The following NR2E1 variants were observed in gnomAD, a reference collection of about 807,000 sequenced individuals.
NR2E1 encodes nuclear receptor subfamily 2 group E member 1.
Under a neutral mutation model 43.6 loss-of-function variants are expected in NR2E1, and 5 were observed. The ratio of observed to expected loss-of-function variants is 0.11; its 90% CI spans 0.06 to 0.24. The LOEUF is 0.24. NR2E1 is among the 10% of genes least tolerant of loss of function. The pLI is 1.00. For missense variants in NR2E1, 287 were observed against 496.7 expected (o/e 0.58, Z 4.01); for synonymous variants, 191 against 195.5 (o/e 0.98, Z 0.19).
rs1774113448 is a variant in NR2E1, at chr6:108,188,540, CA to C, written c.*1078del. 1.3e-5 allele frequency: 2 copies of C among 152,998 alleles called. No homozygotes were observed. Among genetic ancestry groups the C allele is most frequent in the African/African-American group, 2.4e-5 (1 of 41,276 alleles). 9.5% of individuals were successfully genotyped at this position (152,998 alleles called of 1,614,324 possible). A position where few individuals can be genotyped will look rare whatever the true frequency, so the allele number is the denominator to read the frequency against. ...ACACACACACACACACACACACACA[CA>C]CACACACACACCGTCCTACACTTTA... is the stretch of plus-strand genomic sequence containing the variant. On this transcript the variant is annotated 3_prime_UTR_variant, in exon 9 of 9. Transcript: ENST00000368986.
At chr6:108,185,409 TACACAC>T (rs3040212) in intron 8 of NR2E1, among the ~76,000 whole-genome samples, 28 of 146,802 alleles carry the variant, frequency 1.9e-4, no homozygotes, top group Non-Finnish European at 3.2e-4. Context: ...CACACACACA[TACACAC>T]ACACACACAC....
At chr6:108,174,178 G>T (rs1773858926) in intron 2 of NR2E1, among the ~76,000 whole-genome samples, 1 of 152,108 alleles carries the variant, frequency 6.6e-6, no homozygotes, top group East Asian at 1.9e-4. Flanking sequence ...TATGCACCTG[G>T]GCCGAGGCTA....
chr6:108,187,288 T>C lies in NR2E1; in HGVS notation c.996-13T>C. 1 of 1,614,234 alleles carries C rather than the reference T, an allele frequency of 6.2e-7. No homozygotes were observed. The highest frequency in any genetic ancestry group is 8.5e-7 in the Non-Finnish European group (1 of 1,180,038). On this transcript the variant is annotated splice_polypyrimidine_tract_variant and intron_variant, in intron 8 of 8. Coordinates refer to ENST00000368986, the MANE Select transcript of NR2E1 (RefSeq NM_003269.5). ...GGCCTCTGACCTTGTTTTCATGGCT[T>C]CTCACATTCCAGATATCCCACTCAA...
At position 108,180,479 on chromosome 6, in the gene NR2E1, A is replaced by T; in HGVS notation, c.739+60A>T. 2.7e-6 allele frequency: 3 copies of T among 1,127,304 alleles called. No individual in the cohort carries two copies. The highest frequency in any genetic ancestry group is 4.1e-6 in the Non-Finnish European group (3 of 735,978). 69.8% of individuals were successfully genotyped at this position (1,127,304 alleles called of 1,614,324 possible). ...AAATTACCATAAAAATACATTACTGAAAAAAGAACAACATGTAAAGAATAA... is the reference window on the plus strand; with the variant it reads ...AAATTACCATAAAAATACATTACTGTAAAAAGAACAACATGTAAAGAATAA... On this transcript the variant is annotated intron_variant, in intron 6 of 8. Transcript: ENST00000368986. The surrounding 1 kb of genome is among the most constrained non-coding windows in gnomAD (Gnocchi z 5.4).
chr6:108,173,950 C>T (rs1773855132), intron 2 of NR2E1, among the ~76,000 whole-genome samples: 1 of 152,204 alleles, frequency 6.6e-6, no homozygotes. Context: ...ATAAATATTT[C>T]TAAAGAAGTG....
intron 3 of NR2E1, 60 bp downstream of exon 3, chr6:108,174,983 G>C: frequency 6.8e-7 from 1 of 1,466,094 alleles, no homozygotes. Flanking sequence ...TATATGTACA[G>C]AAAATACATG....
chr6:108,176,441 C>A (rs1031494244), intron 3 of NR2E1, 62 bp from the exon 4 acceptor site: 76 of 1,530,992 alleles, frequency 5.0e-5, no homozygotes, highest in Non-Finnish European at 6.5e-5. Context: ...GGGGGAGAGC[C>A]GCAGCGGCTG....
chr6:108,178,151 G>A lies in NR2E1; in HGVS notation c.552G>A (p.Ser184=), dbSNP rs1773930584. Residue 184 remains serine, a synonymous_variant, in exon 5 of 9, where the codon TCG becomes TCA. Coordinates refer to ENST00000368986, the MANE Select transcript of NR2E1 (RefSeq NM_003269.5). ...PMYLYEVATE[S]VCESAARLLF... ...ATCTCTATGAAGTGGCCACGGAGTCGGTGTGTGAATCAGCTGCCAGACTTC... is the reference window on the plus strand; with the variant it reads ...ATCTCTATGAAGTGGCCACGGAGTCAGTGTGTGAATCAGCTGCCAGACTTC... 3.1e-6 allele frequency: 5 copies of A among 1,614,022 alleles called. No individual in the cohort carries two copies. Among genetic ancestry groups the A allele is most frequent in the Non-Finnish European group, 4.2e-6 (5 of 1,180,020 alleles).
rs1410692575 is a variant in NR2E1 at position 108,166,714 on chromosome 6, C to G, written c.-52C>G. 1.3e-6 allele frequency: 2 copies of G among 1,488,826 alleles called. No individual in the cohort carries two copies. Among genetic ancestry groups the G allele is most frequent in the East Asian group, 2.7e-5 (1 of 37,680 alleles). 92.2% of individuals were successfully genotyped at this position (1,488,826 alleles called of 1,614,324 possible). A position where few individuals can be genotyped will look rare whatever the true frequency, so the allele number is the denominator to read the frequency against. Reference sequence around the variant, plus strand: ...CGCCCGGCGGCGAGGCGGGCGCTGCCGGCCGGGACTCGGGCAGCGCCCACC... The same window carrying G: ...CGCCCGGCGGCGAGGCGGGCGCTGCGGGCCGGGACTCGGGCAGCGCCCACC... On this transcript the variant is annotated 5_prime_UTR_variant, in exon 1 of 9. Coordinates refer to ENST00000368986, the MANE Select transcript of NR2E1 (RefSeq NM_003269.5). This position sits in a 1 kb window ranked among gnomAD's most constrained non-coding sequence, Gnocchi z 7.2.
chr6:108,168,087 G>A (rs1019678166), intron 1 of NR2E1: 3 of 1,603,528 alleles, frequency 1.9e-6, no homozygotes, highest in Non-Finnish European at 2.6e-6. Flanking sequence ...GGAATGCAGA[G>A]CGGACCCTGG....
chr6:108,176,214 C>T (rs1773894108), intron 3 of NR2E1: 2 of 511,114 alleles, frequency 3.9e-6, no homozygotes, highest in African/African-American at 1.9e-5. Context: ...GGGAGGAGCC[C>T]TGGACCGAAG....
In NR2E1 at chr6:108,166,725, C is replaced by A; in HGVS notation, c.-41C>A. 6.6e-7 allele frequency: 1 copy of A among 1,519,708 alleles called. No homozygotes were observed. Among genetic ancestry groups the A allele is most frequent in the Non-Finnish European group, 8.8e-7 (1 of 1,137,790 alleles). 94.1% of individuals were successfully genotyped at this position (1,519,708 alleles called of 1,614,324 possible). The stretch of plus-strand genomic sequence containing the variant: ...GAGGCGGGCGCTGCCGGCCGGGACT[C>A]GGGCAGCGCCCACCAACCGCTCCGC... On this transcript the variant is annotated 5_prime_UTR_variant, in exon 1 of 9. Coordinates refer to ENST00000368986, the MANE Select transcript of NR2E1 (RefSeq NM_003269.5). This position sits in a 1 kb window ranked among gnomAD's most constrained non-coding sequence, Gnocchi z 7.2.
chr6:108,176,470 C>A (rs1196408960), intron 3 of NR2E1, 33 bp from the exon 4 acceptor site: 2 of 1,602,250 alleles, frequency 1.2e-6, no homozygotes, highest in East Asian at 2.2e-5. Flanking sequence ...CGTCTCTAAT[C>A]GCCGGCATGC....
chr6:108,186,017 C>A (rs1774070812), intron 8 of NR2E1, among the ~76,000 whole-genome samples: 1 of 152,092 alleles, frequency 6.6e-6, no homozygotes, highest in African/African-American at 2.4e-5. Context: ...TATGCCTGGT[C>A]CTGGGAAGGG....
At chr6:108,167,123 G>A (rs1287747479) in intron 1 of NR2E1, among the ~76,000 whole-genome samples, 2 of 152,104 alleles carry the variant, frequency 1.3e-5, no homozygotes, top group African/African-American at 2.4e-5. Flanking sequence ...CTGGGCCGCA[G>A]CTCCAGGCGG....
chr6:108,181,170 T>G (rs1773979281), intron 7 of NR2E1, among the ~76,000 whole-genome samples: 1 of 152,086 alleles, frequency 6.6e-6, no homozygotes. Context: ...AGACCCAATT[T>G]CTTTTTTTCT....
rs1048909253 is a variant in NR2E1, at chr6:108,187,631, C to T, written c.*168C>T. On this transcript the variant is annotated 3_prime_UTR_variant, in exon 9 of 9. Transcript: ENST00000368986. ...AAGCATTCCAGTAGCTATGACCTGCCGCCCTGACCAGGATAGGGCGGGTGG... is the reference window on the plus strand; with the variant it reads ...AAGCATTCCAGTAGCTATGACCTGCTGCCCTGACCAGGATAGGGCGGGTGG... 1.9e-5 allele frequency: 14 copies of T among 724,984 alleles called. No individual in the cohort carries two copies. Among genetic ancestry groups the T allele is most frequent in the Admixed American group, 6.2e-5 (3 of 48,074 alleles). The allele number at this position is 724,984 out of a possible 1,614,324, so 44.9% of individuals were successfully genotyped here.
At chr6:108,171,371 T>C in intron 1 of NR2E1, 87 bp from the exon 2 acceptor site, 1 of 1,412,072 alleles carries the variant, frequency 7.1e-7, no homozygotes, top group Admixed American at 1.7e-5. Flanking sequence ...TTAGCATCTC[T>C]CTCTCCCTCT....
At chr6:108,177,619 G>T (rs890740334) in intron 4 of NR2E1, among the ~76,000 whole-genome samples, 9 of 152,222 alleles carry the variant, frequency 5.9e-5, no homozygotes, top group Non-Finnish European at 1.2e-4. Context: ...TTATGAATGG[G>T]AATGCTCTGT....
Sources: allele counts gnomAD v4.1 joint callset (sites outside exome capture counted in the v4.1 genomes callset), GRCh38; gene constraint gnomAD v4.1.1; non-coding constraint Gnocchi (gnomAD v3.1); transcripts MANE v1.5; gene names NCBI Gene and HGNC (gene_info 2026-07-23, HGNC 2026-07-21).